MARK3: variants seen among roughly 807,000 people sequenced by gnomAD.
The protein encoded by MARK3 is MAP/microtubule affinity-regulating kinase 3.
In MARK3, 46 loss-of-function variants were observed where a neutral mutation model predicts 90.1. The observed-to-expected ratio is 0.51, with a 90% confidence interval of 0.40 to 0.65. MARK3 has a LOEUF of 0.65. MARK3 is among the 30% of genes least tolerant of loss of function. The pLI is 0.00. For synonymous variants in MARK3, 321 were observed against 332.6 expected, an observed-to-expected ratio of 0.97 and a Z score of 0.38; for missense variants, 818 against 947.2, an observed-to-expected ratio of 0.86 and a Z score of 1.79.
rs184228554 is a variant in MARK3 at position 103,494,811 on chromosome 14, A to G, written c.1844+2777A>G. On this transcript the variant is annotated intron_variant, in intron 15 of 17. Coordinates refer to ENST00000429436, the MANE Select transcript of MARK3 (RefSeq NM_001128918.3). ...ACCATCGCGCCTGGCTAATTTTTGT[A>G]TTTTTAGTAGAGACCCGGTTTTATC... 9.5e-4 allele frequency among the ~76,000 whole-genome samples: 145 copies of G among 152,010 alleles called. 2 individuals are homozygous for G. The highest frequency in any genetic ancestry group is 3.4e-3 in the African/African-American group (140 of 41,486).
intron 14 of MARK3, among the ~76,000 whole-genome samples, chr14:103,488,565 G>A (rs1403318383): frequency 6.6e-6 from 1 of 152,124 alleles, no homozygotes; most frequent in African/African-American, 2.4e-5. Flanking sequence ...AAAATGCAGG[G>A]ACAGAACCAG....
chr14:103,398,045 A>G (rs1209279456), intron 1 of MARK3, among the ~76,000 whole-genome samples: 2 of 152,202 alleles, frequency 1.3e-5, no homozygotes, highest in Non-Finnish European at 2.9e-5. Context: ...CTGTGCGCTT[A>G]ATATATTGCA....
At chr14:103,406,381 C>T (rs1051857313) in intron 2 of MARK3, among the ~76,000 whole-genome samples, 6 of 142,864 alleles carry the variant, frequency 4.2e-5, no homozygotes, top group South Asian at 2.3e-4. Flanking sequence ...CACACCACCA[C>T]GCCTGGCTAA....
intron 3 of MARK3, among the ~76,000 whole-genome samples, chr14:103,444,776 CA>C (rs1047271374): frequency 2.7e-4 from 39 of 141,948 alleles, no homozygotes; most frequent in Non-Finnish European, 2.5e-4. Context: ...GACTCCATTT[CA>C]AAAAAAAAAA....
chr14:103,419,344 A>G (rs945018352), intron 2 of MARK3, among the ~76,000 whole-genome samples: 1 of 152,200 alleles, frequency 6.6e-6, no homozygotes, highest in Non-Finnish European at 1.5e-5. Context: ...TTTATTTATT[A>G]GGGTTATATG....
At chr14:103,394,369 G>A (rs1434794292) in intron 1 of MARK3, among the ~76,000 whole-genome samples, 4 of 152,162 alleles carry the variant, frequency 2.6e-5, no homozygotes, top group Non-Finnish European at 5.9e-5. Context: ...GTACTCACCC[G>A]TCTGCACCTG....
chr14:103,474,546 G>A (rs1566910627), intron 12 of MARK3, among the ~76,000 whole-genome samples: 1 of 152,136 alleles, frequency 6.6e-6, no homozygotes, highest in Non-Finnish European at 1.5e-5. Flanking sequence ...CTTTTAAAAA[G>A]ATCCAAGATA....
intron 7 of MARK3, among the ~76,000 whole-genome samples, chr14:103,464,338 G>T (rs1050111749): frequency 9.6e-6 from 1 of 104,152 alleles, no homozygotes; most frequent in Non-Finnish European, 1.7e-5. Flanking sequence ...TCACTTTGTT[G>T]CCCTGGCTAG....
intron 2 of MARK3, among the ~76,000 whole-genome samples, chr14:103,405,623 G>C (rs531210853): frequency 1.3e-5 from 2 of 152,178 alleles, no homozygotes; most frequent in African/African-American, 4.8e-5. Context: ...TTACAGGCGT[G>C]AGCCATAGCG....
chr14:103,491,625 C>A, intron 14 of MARK3, 152 bp from the exon 15 acceptor site: 1 of 708,536 alleles, frequency 1.4e-6, no homozygotes, highest in Non-Finnish European at 2.3e-6. Context: ...CCCTTTCCCA[C>A]TTAACTTACC....
chr14:103,467,979 T>C (rs2093547565), intron 11 of MARK3, 54 bp from the exon 12 acceptor site: 1 of 1,578,016 alleles, frequency 6.3e-7, no homozygotes, highest in Non-Finnish European at 8.6e-7. Flanking sequence ...AACTTCCTAA[T>C]AAGCCATTTG....
chr14:103,414,114 C>T (rs1252677823), intron 2 of MARK3, among the ~76,000 whole-genome samples: 1 of 151,930 alleles, frequency 6.6e-6, no homozygotes, highest in East Asian at 1.9e-4. Flanking sequence ...TTTTATATAA[C>T]AGTATAATAT....
At chr14:103,442,195 C>G (rs973785741) in intron 3 of MARK3, among the ~76,000 whole-genome samples, 16 of 151,962 alleles carry the variant, frequency 1.1e-4, no homozygotes, top group Non-Finnish European at 2.9e-5. Flanking sequence ...GGTGAAGCCC[C>G]GTCTCTACTA....
chr14:103,472,812 C>G (rs1253067498), intron 12 of MARK3, among the ~76,000 whole-genome samples: 1 of 152,054 alleles, frequency 6.6e-6, no homozygotes, highest in Non-Finnish European at 1.5e-5. Flanking sequence ...TCGAGACCAT[C>G]TGGCCAACAT....
intron 1 of MARK3, among the ~76,000 whole-genome samples, chr14:103,387,398 G>A (rs2089893854): frequency 6.6e-6 from 1 of 152,126 alleles, no homozygotes. Context: ...TATATAAAGA[G>A]TGAGTAATAG....
chr14:103,460,609 T>G (rs2093382570), intron 6 of MARK3, among the ~76,000 whole-genome samples: 1 of 152,340 alleles, frequency 6.6e-6, no homozygotes, highest in East Asian at 1.9e-4. Context: ...TTGAGCTGTT[T>G]TGGAGCTAAA....
At chr14:103,404,771 T>C (rs2091177344) in intron 1 of MARK3, among the ~76,000 whole-genome samples, 2 of 152,160 alleles carry the variant, frequency 1.3e-5, no homozygotes, top group South Asian at 2.1e-4. Flanking sequence ...TACTAACATA[T>C]GGAAAAGTTA....
In MARK3 at chr14:103,492,962, G is replaced by A. The variant is rs142563462; in HGVS notation, c.1844+928G>A. ...AGCCTAGCTGTGGATGAGTCTGTCT[G>A]TGGTATCTTGCAGGTTTGCCTAGGA... On this transcript the variant is annotated intron_variant, in intron 15 of 17. Coordinates refer to ENST00000429436, the MANE Select transcript of MARK3 (RefSeq NM_001128918.3). Among the ~76,000 whole-genome samples the A allele has an allele frequency of 1.0e-3, 153 of 152,322 alleles. 3 individuals carry two copies. In the East Asian group the frequency reaches 0.025, roughly 25 times the overall value.
chr14:103,471,636 C>A (rs2093626642), intron 12 of MARK3, among the ~76,000 whole-genome samples: 1 of 152,236 alleles, frequency 6.6e-6, no homozygotes, highest in East Asian at 1.9e-4. Flanking sequence ...GGATGCTGAC[C>A]TCTGCATGGG....
Sources: allele counts gnomAD v4.1 joint callset (sites outside exome capture counted in the v4.1 genomes callset), GRCh38; gene constraint gnomAD v4.1.1; transcripts MANE v1.5; gene names NCBI Gene and HGNC (gene_info 2026-07-23, HGNC 2026-07-21).